LRRC4C: variants seen among roughly 807,000 people sequenced by gnomAD.
LRRC4C encodes the protein leucine rich repeat containing 4C.
Under a neutral mutation model 33.6 loss-of-function variants are expected in LRRC4C, and 5 were observed. The ratio of observed to expected loss-of-function variants is 0.15; its 90% CI spans 0.08 to 0.31. The LOEUF (loss-of-function observed/expected upper bound fraction) is 0.31, where lower values mean the gene tolerates loss of function less well. LRRC4C is among the 10% of genes least tolerant of loss of function. The pLI is 1.00. For missense variants in LRRC4C, 560 were observed against 796.7 expected (o/e 0.70, Z 3.58); for synonymous variants, 329 against 302.0 (o/e 1.09, Z -0.93).
chr11:41,149,991 G>A (rs1270481327), intron 1 of LRRC4C, among the ~76,000 whole-genome samples: 2 of 152,106 alleles, frequency 1.3e-5, no homozygotes, highest in African/African-American at 4.8e-5. Flanking sequence ...TATCTGCGTA[G>A]TTCTCAAAAG....
intron 2 of LRRC4C, among the ~76,000 whole-genome samples, chr11:40,866,119 A>C (rs1180186355): frequency 6.6e-6 from 1 of 151,456 alleles, no homozygotes; most frequent in Middle Eastern, 3.2e-3. Flanking sequence ...AGACCGATCA[A>C]TAACAGAGCA....
intron 3 of LRRC4C, among the ~76,000 whole-genome samples, chr11:40,531,190 A>G (rs1455206795): frequency 6.6e-6 from 1 of 151,986 alleles, no homozygotes; most frequent in African/African-American, 2.4e-5. Flanking sequence ...AAGTATGGAA[A>G]TTTTCCATAT....
intron 2 of LRRC4C, among the ~76,000 whole-genome samples, chr11:40,748,221 A>T (rs1948520511): frequency 6.6e-6 from 1 of 152,134 alleles, no homozygotes; most frequent in African/African-American, 2.4e-5. Flanking sequence ...CTCAGGAGAA[A>T]CTTTTCAGGT....
chr11:40,733,012 A>C (rs954314114), intron 2 of LRRC4C, among the ~76,000 whole-genome samples: 22 of 150,114 alleles, frequency 1.5e-4, no homozygotes, highest in African/African-American at 5.1e-4. Context: ...CTACCATCAC[A>C]GAGGTTGGAA....
At chr11:40,819,979 C>A (rs1467459684) in intron 2 of LRRC4C, among the ~76,000 whole-genome samples, 1 of 151,548 alleles carries the variant, frequency 6.6e-6, no homozygotes, top group Admixed American at 6.6e-5. Context: ...AGAAAAGTGA[C>A]TAAATTAAAA....
At chr11:40,857,847 C>T (rs1377101533) in intron 2 of LRRC4C, among the ~76,000 whole-genome samples, 3 of 151,312 alleles carry the variant, frequency 2.0e-5, no homozygotes, top group East Asian at 2.0e-4. Context: ...CCCAGGAGGT[C>T]GAGGCTGCAT....
At chr11:40,912,462 G>A (rs1174423957) in intron 2 of LRRC4C, among the ~76,000 whole-genome samples, 1 of 152,106 alleles carries the variant, frequency 6.6e-6, no homozygotes, top group Non-Finnish European at 1.5e-5. Flanking sequence ...CATAACTGAA[G>A]GAGAAATAAA....
At position 40,385,864 on chromosome 11, in the gene LRRC4C, A is replaced by AAATAAATAAATAAATAAATAAATG. The variant is rs1262924457; in HGVS notation, c.-269-66144_-269-66143insCATTTATTTATTTATTTATTTATT. 8.0e-5 allele frequency among the ~76,000 whole-genome samples: 5 copies of AAATAAATAAATAAATAAATAAATG among 62,206 alleles called. No individual in the cohort carries two copies. The East Asian group carries it at 2.5e-3, about 31-fold the overall frequency. The allele number at this position is 62,206 out of a possible 152,430, so 40.8% of individuals were successfully genotyped here. A position where few individuals can be genotyped will look rare whatever the true frequency, so the allele number is the denominator to read the frequency against. On this transcript the variant is annotated intron_variant, in intron 3 of 6. Coordinates refer to ENST00000528697, the MANE Select transcript of LRRC4C (RefSeq NM_001258419.2). ...CCTGGCAACAGAGTGAGACTCTGTC[A>AAATAAATAAATAAATAAATAAATG]AATAAATAAATAAATAAATAAATAA...
chr11:41,033,011 C>T (rs1045764351), intron 1 of LRRC4C, among the ~76,000 whole-genome samples: 3 of 151,192 alleles, frequency 2.0e-5, no homozygotes, highest in Non-Finnish European at 4.4e-5. Context: ...TACCATGAAA[C>T]ATTACCAGCA....
At chr11:40,574,336 A>G (rs923376998) in intron 3 of LRRC4C, among the ~76,000 whole-genome samples, 2 of 152,180 alleles carry the variant, frequency 1.3e-5, no homozygotes, top group African/African-American at 4.8e-5. Context: ...AACAGAACAG[A>G]CCTTGAAGCC....
chr11:41,191,716 C>T (rs1945957138), intron 1 of LRRC4C, among the ~76,000 whole-genome samples: 2 of 152,126 alleles, frequency 1.3e-5, no homozygotes, highest in South Asian at 2.1e-4. Context: ...GAATCCTGGG[C>T]ATCTCCCACC....
At chr11:40,446,638 A>C (rs1325706604) in intron 3 of LRRC4C, 1 of 152,154 alleles carries the variant, frequency 6.6e-6, no homozygotes, top group Non-Finnish European at 1.5e-5. Flanking sequence ...TAATTTACAA[A>C]GAAAACAGGT....
intron 3 of LRRC4C, among the ~76,000 whole-genome samples, chr11:40,628,883 T>C (rs1453935732): frequency 6.6e-6 from 1 of 152,218 alleles, no homozygotes; most frequent in East Asian, 1.9e-4. Context: ...AATTAGTACA[T>C]TGATTAATTT....
At chr11:40,635,786 G>A (rs1480113732) in intron 3 of LRRC4C, among the ~76,000 whole-genome samples, 1 of 151,578 alleles carries the variant, frequency 6.6e-6, no homozygotes, top group Non-Finnish European at 1.5e-5. Context: ...ACAGGCGCCC[G>A]CCACCATGCC....
At chr11:41,180,727 TC>T (rs1675560234) in intron 1 of LRRC4C, among the ~76,000 whole-genome samples, 1 of 152,156 alleles carries the variant, frequency 6.6e-6, no homozygotes, top group Non-Finnish European at 1.5e-5. Flanking sequence ...TGGTATTGCC[TC>T]ACAATTTTCC....
intron 4 of LRRC4C, among the ~76,000 whole-genome samples, chr11:40,278,958 C>T (rs1199250653): frequency 6.6e-6 from 1 of 152,070 alleles, no homozygotes; most frequent in African/African-American, 2.4e-5. Flanking sequence ...TCAGGGTGCT[C>T]ACTGGGAGTG....
At chr11:40,175,159 C>T (rs764252309) in intron 5 of LRRC4C, among the ~76,000 whole-genome samples, 1 of 152,188 alleles carries the variant, frequency 6.6e-6, no homozygotes, top group Non-Finnish European at 1.5e-5. Context: ...GCAGTGGTTG[C>T]ATAATAGATT....
At chr11:41,336,182 T>G (rs921335900) in intron 1 of LRRC4C, among the ~76,000 whole-genome samples, 2 of 151,820 alleles carry the variant, frequency 1.3e-5, no homozygotes, top group Non-Finnish European at 2.9e-5. Context: ...AGAGAGAAAA[T>G]TTAATGAGTT....
intron 3 of LRRC4C, among the ~76,000 whole-genome samples, chr11:40,624,331 G>T (rs184852128): frequency 6.6e-5 from 10 of 152,100 alleles, no homozygotes; most frequent in African/African-American, 2.4e-4. Context: ...AGCTCATTTT[G>T]TCCCCCATTA....
Sources: gnomAD v4.1 joint callset for allele counts (sites outside exome capture counted in the v4.1 genomes callset) on GRCh38, gnomAD v4.1.1 for gene constraint, MANE v1.5 for transcripts, NCBI Gene and HGNC (gene_info 2026-07-23, HGNC 2026-07-21) for gene names.